TTN: variants seen among roughly 807,000 people sequenced by gnomAD.
TTN encodes titin, also known as connectin.
In TTN, 1,525 loss-of-function variants were observed where a neutral mutation model predicts 3,223.0. The ratio of observed to expected loss-of-function variants is 0.47; its 90% confidence interval spans 0.45 to 0.49. The LOEUF (loss-of-function observed/expected upper bound fraction) is 0.49, where lower values mean the gene tolerates loss of function less well. Ranked by LOEUF, TTN falls within the 20% of genes least tolerant of loss-of-function variation. The pLI, the probability that TTN is intolerant of heterozygous loss-of-function variation, is 0.00. For missense variants in TTN, 40,786 were observed against 43,424.0 expected (o/e 0.94, Z 5.40); for synonymous variants, 14,094 against 15,161.0 (o/e 0.93, Z 5.17).
chr2:178,579,752 C>T lies in TTN; in HGVS notation c.67445G>A (p.Arg22482Gln), dbSNP rs200146608. Residue 22482 changes from arginine (R) to glutamine (Q), a missense_variant, in exon 319 of 363, where the codon CGG (arginine) becomes CAG (glutamine). Arg to Gln is a conservative substitution (Grantham distance 43). Coordinates refer to ENST00000589042, the MANE Select transcript of TTN (RefSeq NM_001267550.2). ...GAAATCAACTACATATCCAATAATC[C>T]GACTTCCACCATCACTGTGAGGCTT... Reference protein sequence around the residue: ...WKKPHSDGGSRIIGYVVDFLT... With the variant: ...WKKPHSDGGSQIIGYVVDFLT... 170 of 1,613,234 alleles carry T rather than the reference C, an allele frequency of 1.1e-4. No homozygotes were observed. Among genetic ancestry groups the T allele is most frequent in the East Asian group, 2.7e-4 (12 of 44,742 alleles).
Position 178,569,936 on chromosome 2 carries a change from G to A in TTN, c.76196C>T (p.Ala25399Val), listed in dbSNP as rs1418217582. The A allele has an allele frequency of 6.2e-7, 1 of 1,612,880 alleles. No homozygotes were observed. The highest frequency in any genetic ancestry group is 8.5e-7 in the Non-Finnish European group (1 of 1,179,382). ...EPSPPSAYQKACDPIYKPGPP... is the reference protein window; with the variant it reads ...EPSPPSAYQKVCDPIYKPGPP... Reference sequence around the variant, plus strand: ...TCCTGGTTTATAAATAGGATCACAAGCCTTTTGGTAAGCAGAAGGAGGGCT... The same window carrying A: ...TCCTGGTTTATAAATAGGATCACAAACCTTTTGGTAAGCAGAAGGAGGGCT... The change falls in exon 326 of 363, where the codon GCT becomes GTT. Residue 25399 changes from alanine to valine, a missense_variant. Coordinates refer to ENST00000589042, the MANE Select transcript of TTN (RefSeq NM_001267550.2).
In TTN at chr2:178,620,291, G is replaced by C. The variant is rs1450114008; in HGVS notation, c.46230C>G (p.Phe15410Leu). 2 of 1,558,664 alleles carry C rather than the reference G, an allele frequency of 1.3e-6. No homozygotes were observed. Among genetic ancestry groups the C allele is most frequent in the Non-Finnish European group, 1.7e-6 (2 of 1,153,400 alleles). ...QTVTEFDDAV[F>L]SCQLSREKAN... is the part of the protein sequence containing the mutation. The stretch of plus-strand genomic sequence containing the variant: ...CTTTCTCTCTGGAGAGCTGGCAGGA[G>C]AAGACAGCGTCATCGAACTCAGTGA... Residue 15410 changes from phenylalanine (F) to leucine (L), a missense_variant, in exon 248 of 363, where the codon TTC becomes TTG. Phe to Leu is a conservative substitution (Grantham distance 22). Coordinates refer to ENST00000589042, the MANE Select transcript of TTN (RefSeq NM_001267550.2).
chr2:178,693,877 T>G, intron 118 of TTN, 45 bp downstream of exon 118: 1 of 1,562,592 alleles, frequency 6.4e-7, no homozygotes, highest in Non-Finnish European at 8.8e-7. Context: ...AAAATCTGCC[T>G]AAAACCCTTC....
chr2:178,775,229 G>A, intron 28 of TTN, 27 bp from the exon 29 acceptor site: 1 of 1,613,352 alleles, frequency 6.2e-7, no homozygotes, highest in Non-Finnish European at 8.5e-7. Context: ...GGGGAAAAAG[G>A]GGAGAGCACA....
In TTN at chr2:178,575,610, T is replaced by G; in HGVS notation, c.70522A>C (p.Arg23508=). 6.2e-7 allele frequency: 1 copy of G among 1,613,648 alleles called. No individual in the cohort carries two copies. Among genetic ancestry groups the G allele is most frequent in the Non-Finnish European group, 8.5e-7 (1 of 1,179,656 alleles). ...CCATATTCATTCTCTGCCATCACTC[T>G]GAAGAAATATTCACACCCTTCAGAC... ...GLSEGCEYFF[R]VMAENEYGIG... Residue 23508 remains arginine, a synonymous_variant, in exon 326 of 363, where the codon AGA becomes CGA. Transcript: ENST00000589042. This position sits in a 1 kb window ranked among gnomAD's most constrained non-coding sequence, Gnocchi z 4.0.
intron 149 of TTN, chr2:178,675,423 G>A: frequency 2.6e-6 from 1 of 379,498 alleles, no homozygotes; most frequent in Non-Finnish European, 4.6e-6. Context: ...TAGTTCCTTA[G>A]TTATTTTTGG....
chr2:178,635,919 A>T, intron 226 of TTN, 44 bp downstream of exon 226: 2 of 1,538,480 alleles, frequency 1.3e-6, no homozygotes, highest in Non-Finnish European at 1.7e-6. Context: ...CCATTTTCTT[A>T]GTGTAACAAT....
Position 178,571,892 on chromosome 2 carries a change from A to G in TTN, c.74240T>C (p.Val24747Ala). 1.9e-6 allele frequency: 3 copies of G among 1,613,438 alleles called. No homozygotes were observed. Among genetic ancestry groups the G allele is most frequent in the South Asian group, 1.1e-5 (1 of 91,074 alleles). Residue 24747 changes from valine to alanine, a missense_variant, in exon 326 of 363, where the codon GTA (valine) becomes GCA (alanine). Transcript: ENST00000589042. Reference protein sequence around the residue: ...VPFIGRPTPAVTWHKDNVPLK... With the variant: ...VPFIGRPTPAATWHKDNVPLK... ...TGGTACATTATCTTTATGCCAGGTT[A>G]CAGCTGGGGTAGGGCGGCCAATGAA...
rs755053847 is a variant in TTN at position 178,667,314 on chromosome 2, C to T, written c.35719G>A (p.Asp11907Asn). The T allele has an allele frequency of 6.2e-7, 1 of 1,600,396 alleles. No individual in the cohort carries two copies. Among genetic ancestry groups the T allele is most frequent in the South Asian group, 1.1e-5 (1 of 88,808 alleles). ...KRETPATKEP[D>N]TTRGIFPEVE... ...TCTGGAAAAATGCCTCTGGTTGTATCAGGTTCTTTAAAGATATTAGTAGGT... is the reference window on the plus strand; with the variant it reads ...TCTGGAAAAATGCCTCTGGTTGTATTAGGTTCTTTAAAGATATTAGTAGGT... Residue 11907 changes from aspartate to asparagine, a missense_variant, in exon 162 of 363, where the codon GAT becomes AAT. By Grantham distance (23) the Asp-to-Asn change is conservative (BLOSUM62 1). Transcript: ENST00000589042.
At position 178,563,355 on chromosome 2, in the gene TTN, T is replaced by G; in HGVS notation, c.82777A>C (p.Lys27593Gln). 2 of 1,613,594 alleles carry G rather than the reference T, an allele frequency of 1.2e-6. No homozygotes were observed. Among genetic ancestry groups the G allele is most frequent in the Non-Finnish European group, 1.7e-6 (2 of 1,179,708 alleles). ...GGTGCGCCACCATCATAAATTGGCT[T>G]ACTCCATGCCAGGGAGACAGAAGAT... ...SRSSVSLAWS[K>Q]PIYDGGAPVK... The change falls in exon 326 of 363, where the codon AAG becomes CAG. Residue 27593 changes from lysine to glutamine, a missense_variant. Coordinates refer to ENST00000589042, the MANE Select transcript of TTN (RefSeq NM_001267550.2). The surrounding 1 kb of genome is among the most constrained non-coding windows in gnomAD (Gnocchi z 4.5).
intron 141 of TTN, 57 bp downstream of exon 141, chr2:178,679,542 T>TC: frequency 6.3e-7 from 1 of 1,587,138 alleles, no homozygotes. Flanking sequence ...AGAAGAAAGT[T>TC]AACTATTTCT....
Position 178,607,909 on chromosome 2 carries a change from G to T in TTN, c.52878C>A (p.Val17626=), listed in dbSNP as rs775005179. The T allele has an allele frequency of 3.1e-6, 5 of 1,612,894 alleles. No homozygotes were observed. The highest frequency in any genetic ancestry group is 4.2e-6 in the Non-Finnish European group (5 of 1,179,334). The change falls in exon 276 of 363, where the codon GTC becomes GTA. Residue 17626 remains valine, a synonymous_variant. Transcript: ENST00000589042. Reference sequence around the variant, plus strand: ...GGATTTCTTTGACGGTGTACTGACGGACCTTGATCATCTTCTCTGTGCAGC... The same window carrying T: ...GGATTTCTTTGACGGTGTACTGACGTACCTTGATCATCTTCTCTGTGCAGC... The part of the protein sequence containing the change: ...WSRCTEKMIK[V]RQYTVKEIRE...
At chr2:178,704,485 A>G in intron 105 of TTN, 25 bp downstream of exon 105, 1 of 1,598,428 alleles carries the variant, frequency 6.3e-7, no homozygotes, top group Non-Finnish European at 8.5e-7. Flanking sequence ...TCTCACAAGT[A>G]TTTCATAAGC....
chr2:178,531,913 C>G lies in TTN; in HGVS notation c.104702G>C (p.Arg34901Thr). ...GGAAAAGATATCAAATCTTGCAGACCTCTCAAATCTCGAGAGTGATCTCTC... is the reference window on the plus strand; with the variant it reads ...GGAAAAGATATCAAATCTTGCAGACGTCTCAAATCTCGAGAGTGATCTCTC... ...SSERSLSRFE[R>T]SARFDIFSRY... The change falls in exon 358 of 363, where the codon AGG becomes ACG. Residue 34901 changes from arginine (R) to threonine (T), a missense_variant. Transcript: ENST00000589042. The G allele has an allele frequency of 1.9e-6, 3 of 1,612,684 alleles. No individual in the cohort carries two copies. Among genetic ancestry groups the G allele is most frequent in the Non-Finnish European group, 1.7e-6 (2 of 1,179,216 alleles).
Position 178,545,708 on chromosome 2 carries a change from A to C in TTN, c.95417-15T>G. 1 of 1,607,630 alleles carries C rather than the reference A, an allele frequency of 6.2e-7. No individual in the cohort carries two copies. The highest frequency in any genetic ancestry group is 8.5e-7 in the Non-Finnish European group (1 of 1,175,544). Reference sequence around the variant, plus strand: ...TGATGGAATAGCTGTTTATGAAAATAAGGATGATGAGAATTGCACAAAATT... The same window carrying C: ...TGATGGAATAGCTGTTTATGAAAATCAGGATGATGAGAATTGCACAAAATT... On this transcript the variant is annotated splice_polypyrimidine_tract_variant and intron_variant, in intron 343 of 362. Transcript: ENST00000589042.
chr2:178,718,573 G>A lies in TTN; in HGVS notation c.24533C>T (p.Ala8178Val). The A allele has an allele frequency of 5.6e-6, 9 of 1,612,670 alleles. No homozygotes were observed. Among genetic ancestry groups the A allele is most frequent in the Non-Finnish European group, 7.6e-6 (9 of 1,179,022 alleles). The change falls in exon 85 of 363, where the codon GCT (alanine) becomes GTT (valine). Residue 8178 changes from alanine to valine, a missense_variant. Physicochemically the swap from Ala to Val is moderately conservative, Grantham distance 64. Transcript: ENST00000589042. ...GCTTCCTGTCTCAACACTGAAATCA[G>A]CCAATCTTTTCACAAAGGTGGCTGG... ...KEPATFVKRL[A>V]DFSVETGSPI...
intron 330 of TTN, 164 bp downstream of exon 330, chr2:178,556,684 T>A (rs780117246): frequency 1.2e-5 from 9 of 750,304 alleles, no homozygotes; most frequent in Non-Finnish European, 1.9e-5. Flanking sequence ...GCTGGAAAGG[T>A]ATTTAAGGAA....
intron 311 of TTN, 137 bp downstream of exon 311, chr2:178,584,139 T>C (rs2048387795): frequency 1.8e-6 from 2 of 1,111,882 alleles, no homozygotes; most frequent in South Asian, 3.7e-5. Flanking sequence ...AGATAGAACA[T>C]ATTCTTAAAT....
rs1044984906 is a variant in TTN at position 178,582,612 on chromosome 2, G to A, written c.65864-20C>T. ...GTTTATCTGAAGGAATAAGGAAGAAGAGTGAATATGTGGAATGGGGAATGA... is the reference window on the plus strand; with the variant it reads ...GTTTATCTGAAGGAATAAGGAAGAAAAGTGAATATGTGGAATGGGGAATGA... On this transcript the variant is annotated intron_variant, in intron 313 of 362. Coordinates refer to ENST00000589042, the MANE Select transcript of TTN (RefSeq NM_001267550.2). The A allele has an allele frequency of 1.9e-6, 3 of 1,582,852 alleles. No individual in the cohort carries two copies. The highest frequency in any genetic ancestry group is 2.6e-6 in the Non-Finnish European group (3 of 1,163,262).
Sources: gnomAD v4.1 joint callset for allele counts on GRCh38, gnomAD v4.1.1 for gene constraint, Gnocchi (gnomAD v3.1) non-coding constraint, MANE v1.5 for transcripts, NCBI Gene and HGNC (gene_info 2026-07-23, HGNC 2026-07-21) for gene names.